DRG2: variants seen among roughly 807,000 people sequenced by gnomAD.
DRG2 encodes the protein developmentally-regulated GTP-binding protein 2.
Under a neutral mutation model 53.4 loss-of-function variants are expected in DRG2, and 36 were observed. The observed-to-expected ratio is 0.67, with a 90% CI of 0.52 to 0.89. The LOEUF is 0.89. Ranked by LOEUF, DRG2 falls within the 40% of genes least tolerant of loss-of-function variation. The pLI is 0.00. For synonymous variants in DRG2, 167 were observed against 192.1 expected (o/e 0.87, Z 1.08); for missense variants, 342 against 481.2 (o/e 0.71, Z 2.71).
intron 2 of DRG2, chr17:18,094,237 A>G (rs1447997830): frequency 7.5e-6 from 3 of 402,148 alleles, no homozygotes; most frequent in Non-Finnish European, 1.4e-5. Flanking sequence ...TAGCGGTGTC[A>G]TGTGCTGGGC....
intron 11 of DRG2, chr17:18,106,202 C>T (rs956599121): frequency 3.0e-5 from 17 of 573,732 alleles, no homozygotes; most frequent in African/African-American, 2.6e-4. Context: ...TAACTATGCA[C>T]CACAGCTGGC....
rs564787171 is a variant in DRG2 at position 18,103,236 on chromosome 17, C to T, written c.807-565C>T. The stretch of plus-strand genomic sequence containing the variant: ...GTCAGGACACAGCTCGGGGTCACGG[C>T]GCAAACCTTCAAGCCACGGTCCACC... On this transcript the variant is annotated intron_variant, in intron 9 of 12. Coordinates refer to ENST00000225729, the MANE Select transcript of DRG2 (RefSeq NM_001388.5). The surrounding 1 kb of genome is among the most constrained non-coding windows in gnomAD (Gnocchi z 4.4). 3.3e-5 allele frequency among the ~76,000 whole-genome samples: 5 copies of T among 152,208 alleles called. No homozygotes were observed. In the South Asian group the frequency reaches 8.3e-4, roughly 25 times the overall value.
intron 2 of DRG2, 197 bp downstream of exon 2, chr17:18,094,170 C>A: frequency 1.6e-6 from 1 of 643,906 alleles, no homozygotes; most frequent in East Asian, 3.0e-5. Flanking sequence ...CAGATGGAGC[C>A]CTACTTGGTC....
rs1373006226 is a variant in DRG2, at chr17:18,091,160, G to T, written c.65-2653G>T. Among the ~76,000 whole-genome samples, 3 of 152,194 alleles carry T rather than the reference G, an allele frequency of 2.0e-5. No homozygotes were observed. In the East Asian group the frequency reaches 5.8e-4, roughly 29 times the overall value. On this transcript the variant is annotated intron_variant, in intron 1 of 12. Coordinates refer to ENST00000225729, the MANE Select transcript of DRG2 (RefSeq NM_001388.5). ...GAGAAGACAGTAAACCTGCTCATGAGGCAGGAAGCAGTCTGGGGAAGGGCG... is the reference window on the plus strand; with the variant it reads ...GAGAAGACAGTAAACCTGCTCATGATGCAGGAAGCAGTCTGGGGAAGGGCG...
rs970103974 is a variant in DRG2 at position 18,100,832 on chromosome 17, C to T, written c.631+173C>T. ...AGCTCCAGACTGCCAGGTCTGCAGC[C>T]GTGCACTTGACAATGGCTTCCTGGC... On this transcript the variant is annotated intron_variant, in intron 7 of 12. Transcript: ENST00000225729. This position sits in a 1 kb window ranked among gnomAD's most constrained non-coding sequence, Gnocchi z 4.1. 6.6e-6 allele frequency among the ~76,000 whole-genome samples: 1 copy of T among 152,174 alleles called. No homozygotes were observed. Among genetic ancestry groups the T allele is most frequent in the Admixed American group, 6.5e-5 (1 of 15,286 alleles).
rs2045469270 is a variant in DRG2 at position 18,098,355 on chromosome 17, T to C, written c.311T>C (p.Ile104Thr). The C allele has an allele frequency of 6.2e-7, 1 of 1,613,582 alleles. No homozygotes were observed. Among genetic ancestry groups the C allele is most frequent in the Non-Finnish European group, 8.5e-7 (1 of 1,179,618 alleles). Reference protein sequence around the residue: ...FTTLTCIPGVIEYKGANIQLL... With the variant: ...FTTLTCIPGVTEYKGANIQLL... ...ACTCTGACGTGTATTCCTGGGGTCA[T>C]TGAAGTAAGTGGGTGTGCTGGGCCC... The change falls in exon 3 of 13, where the codon ATT becomes ACT. Residue 104 changes from isoleucine (I) to threonine (T), a missense_variant. Coordinates refer to ENST00000225729, the MANE Select transcript of DRG2 (RefSeq NM_001388.5). The surrounding 1 kb of genome is among the most constrained non-coding windows in gnomAD (Gnocchi z 4.1).
At chr17:18,093,474 A>G (rs1404313476) in intron 1 of DRG2, among the ~76,000 whole-genome samples, 1 of 152,104 alleles carries the variant, frequency 6.6e-6, no homozygotes, top group African/African-American at 2.4e-5. Context: ...ATGAACGACC[A>G]TGCCCAGCTA....
rs1286057485 is a variant in DRG2, at chr17:18,098,993, C to T, written c.316-24C>T. 3 of 1,613,724 alleles carry T rather than the reference C, an allele frequency of 1.9e-6. No individual in the cohort carries two copies. The East Asian group carries it at 6.7e-5, about 36-fold the overall frequency. ...CCAGTGGAGGCCCAGCCTTGCCTTACCTTTCTTCTCTTCTGCATCCTAGTA... is the reference window on the plus strand; with the variant it reads ...CCAGTGGAGGCCCAGCCTTGCCTTATCTTTCTTCTCTTCTGCATCCTAGTA... On this transcript the variant is annotated intron_variant, in intron 3 of 12. Transcript: ENST00000225729. This position sits in a 1 kb window ranked among gnomAD's most constrained non-coding sequence, Gnocchi z 4.1.
rs754821720 is a variant in DRG2 at position 18,098,516 on chromosome 17, G to A, written c.315+157G>A. 86 of 633,882 alleles carry A rather than the reference G, an allele frequency of 1.4e-4. No homozygotes were observed. Among genetic ancestry groups the A allele is most frequent in the Non-Finnish European group, 2.2e-4 (78 of 357,880 alleles). 39.3% of individuals were successfully genotyped at this position (633,882 alleles called of 1,614,324 possible). ...GCCCTCCAGCACTGACACTTCTGGG[G>A]ATCCTAGCTGCTGGACCCCAGAGAT... is the stretch of plus-strand genomic sequence containing the variant. On this transcript the variant is annotated intron_variant, in intron 3 of 12. Coordinates refer to ENST00000225729, the MANE Select transcript of DRG2 (RefSeq NM_001388.5). The surrounding 1 kb of genome is among the most constrained non-coding windows in gnomAD (Gnocchi z 4.1).
Position 18,098,894 on chromosome 17 carries a change from G to T in DRG2, c.316-123G>T. 9.0e-7 allele frequency: 1 copy of T among 1,106,738 alleles called. No individual in the cohort carries two copies. The highest frequency in any genetic ancestry group is 1.3e-6 in the Non-Finnish European group (1 of 759,872). The allele number at this position is 1,106,738 out of a possible 1,614,324, so 68.6% of individuals were successfully genotyped here. A position where few individuals can be genotyped will look rare whatever the true frequency, so the allele number is the denominator to read the frequency against. ...TGACAAGGCTCAGACTTGGCCACAG[G>T]TTGGCATCTGGGTTTCCCTCAGCCC... is the stretch of plus-strand genomic sequence containing the variant. On this transcript the variant is annotated intron_variant, in intron 3 of 12. Coordinates refer to ENST00000225729, the MANE Select transcript of DRG2 (RefSeq NM_001388.5). This position sits in a 1 kb window ranked among gnomAD's most constrained non-coding sequence, Gnocchi z 4.1.
chr17:18,101,103 C>A (rs1180489834), intron 7 of DRG2, among the ~76,000 whole-genome samples: 1 of 152,106 alleles, frequency 6.6e-6, no homozygotes, highest in Non-Finnish European at 1.5e-5. Context: ...CTGTGAGCCC[C>A]TCGTTGCCAG....
chr17:18,103,942 G>C lies in DRG2; in HGVS notation c.895+53G>C, dbSNP rs2045582789. The C allele has an allele frequency of 3.2e-6, 5 of 1,580,262 alleles. No individual in the cohort carries two copies. The South Asian group carries it at 5.5e-5, about 17-fold the overall frequency. ...ACAGGCTGAGCTTCATCCCTAGAAG[G>C]CTGCCAGGCCGGTGTGTGGTGCCCA... On this transcript the variant is annotated intron_variant, in intron 10 of 12. Transcript: ENST00000225729. The surrounding 1 kb of genome is among the most constrained non-coding windows in gnomAD (Gnocchi z 4.4).
In DRG2 at chr17:18,090,406, A is replaced by ATTTTT. The variant is rs1186716416; in HGVS notation, c.64+2342_64+2346dup. Among the ~76,000 whole-genome samples, 133 of 22,678 alleles carry ATTTTT rather than the reference A, an allele frequency of 5.9e-3. 21 individuals are homozygous for ATTTTT. Among genetic ancestry groups the ATTTTT allele is most frequent in the Non-Finnish European group, 8.0e-3 (109 of 13,686 alleles). The allele number at this position is 22,678 out of a possible 152,430, so 14.9% of individuals were successfully genotyped here. ...TATATATATATATATATATATATAT[A>ATTTTT]TTTTTTTTTTTTTTTTTTTTTTTTT... On this transcript the variant is annotated intron_variant, in intron 1 of 12. Transcript: ENST00000225729.
Position 18,099,078 on chromosome 17 carries a change from G to A in DRG2, c.376+1G>A. On this transcript the variant is annotated splice_donor_variant, in intron 4 of 12. Coordinates refer to ENST00000225729, the MANE Select transcript of DRG2 (RefSeq NM_001388.5). LOFTEE classifies it high-confidence loss of function. This position sits in a 1 kb window ranked among gnomAD's most constrained non-coding sequence, Gnocchi z 4.4. ...GGAATCATTGAAGGCGCAGCCCAAG[G>A]TGGGAGGCAGGGCAGGTGTGTGGGA... is the stretch of plus-strand genomic sequence containing the variant. 3 of 1,613,980 alleles carry A rather than the reference G, an allele frequency of 1.9e-6. No individual in the cohort carries two copies. The highest frequency in any genetic ancestry group is 2.5e-6 in the Non-Finnish European group (3 of 1,180,018).
chr17:18,093,928 G>C lies in DRG2; in HGVS notation c.180G>C (p.Ser60=). Residue 60 remains serine (S), a synonymous_variant, in exon 2 of 13, where the codon TCG becomes TCC. Coordinates refer to ENST00000225729, the MANE Select transcript of DRG2 (RefSeq NM_001388.5). The part of the protein sequence containing the change: ...SKGEGFDVMK[S]GDARVALIGF... The stretch of plus-strand genomic sequence containing the variant: ...GAGAGGGCTTTGATGTCATGAAGTC[G>C]GGTGATGCCCGTGTGGCGCTGATTG... 6.2e-7 allele frequency: 1 copy of C among 1,614,166 alleles called. No individual in the cohort carries two copies. The highest frequency in any genetic ancestry group is 1.1e-5 in the South Asian group (1 of 91,070).
Position 18,093,924 on chromosome 17 carries a change from A to C in DRG2, c.176A>C (p.Lys59Thr), listed in dbSNP as rs771972415. The C allele has an allele frequency of 3.7e-6, 6 of 1,614,232 alleles. No homozygotes were observed. The South Asian group carries it at 6.6e-5, about 18-fold the overall frequency. The change falls in exon 2 of 13, where the codon AAG becomes ACG. Residue 59 changes from lysine (K) to threonine (T), a missense_variant. Lys to Thr is a moderately conservative substitution (Grantham distance 78). Coordinates refer to ENST00000225729, the MANE Select transcript of DRG2 (RefSeq NM_001388.5). Reference protein sequence around the residue: ...SSKGEGFDVMKSGDARVALIG... With the variant: ...SSKGEGFDVMTSGDARVALIG... ...AAAGGAGAGGGCTTTGATGTCATGA[A>C]GTCGGGTGATGCCCGTGTGGCGCTG...
chr17:18,101,369 C>T (rs936180184), intron 7 of DRG2, 124 bp from the exon 8 acceptor site: 58 of 819,822 alleles, frequency 7.1e-5, no homozygotes, highest in Middle Eastern at 3.3e-4. Flanking sequence ...TGCAAAACCT[C>T]ACAAGCAGAT....
At position 18,106,574 on chromosome 17, in the gene DRG2, G is replaced by A. The variant is rs952469700; in HGVS notation, c.1008+88G>A. 7.1e-5 allele frequency: 103 copies of A among 1,453,510 alleles called. No individual in the cohort carries two copies. The African/African-American group carries it at 7.8e-4, about 11-fold the overall frequency. The allele number at this position is 1,453,510 out of a possible 1,614,324, so 90.0% of individuals were successfully genotyped here. A position where few individuals can be genotyped will look rare whatever the true frequency, so the allele number is the denominator to read the frequency against. On this transcript the variant is annotated intron_variant, in intron 12 of 12. Transcript: ENST00000225729. The stretch of plus-strand genomic sequence containing the variant: ...GAAGCAAGGCATTCACACTCTCTGC[G>A]TGGTGTTCCTGTCCTTCCTGTGGGG...
intron 11 of DRG2, 51 bp from the exon 12 acceptor site, chr17:18,106,382 T>C: frequency 1.2e-6 from 2 of 1,605,356 alleles, no homozygotes; most frequent in Non-Finnish European, 8.5e-7. Context: ...AAGCTTGGGA[T>C]GGGGTTAGGT....
Sources: gnomAD v4.1 joint callset for allele counts (sites outside exome capture counted in the v4.1 genomes callset) on GRCh38, gnomAD v4.1.1 for gene constraint, Gnocchi (gnomAD v3.1) non-coding constraint, MANE v1.5 for transcripts, NCBI Gene and HGNC (gene_info 2026-07-23, HGNC 2026-07-21) for gene names.